Variants in TRPC4 observed in about 807,000 individuals in gnomAD.
The protein encoded by TRPC4 is short transient receptor potential channel 4.
TRPC4 carries 49 observed loss-of-function variants against 99.4 expected under a neutral mutation model. The observed-to-expected ratio is 0.49, with a 90% CI of 0.39 to 0.63. The LOEUF (loss-of-function observed/expected upper bound fraction) is 0.63. TRPC4 is among the 20% of genes least tolerant of loss of function. TRPC4 has a pLI of 0.00. For synonymous variants in TRPC4, 454 were observed against 425.9 expected (o/e 1.07, Z -0.81); for missense variants, 898 against 1,152.9 (o/e 0.78, Z 3.20).
At chr13:37,691,955 GCAGTAA>G in intron 4 of TRPC4, 38 bp downstream of exon 4, 1 of 1,533,748 alleles carries the variant, frequency 6.5e-7, no homozygotes, top group Non-Finnish European at 8.9e-7. Flanking sequence ...AAATTCCGTG[GCAGTAA>G]CATGTTTTTA....
At chr13:37,726,522 A>T in intron 3 of TRPC4, among the ~76,000 whole-genome samples, 1 of 152,190 alleles carries the variant, frequency 6.6e-6, no homozygotes, top group Non-Finnish European at 1.5e-5. Context: ...AGGTAATTAC[A>T]AAAAACAGCT....
intron 4 of TRPC4, among the ~76,000 whole-genome samples, chr13:37,676,088 G>A (rs966053713): frequency 6.6e-6 from 1 of 152,106 alleles, no homozygotes; most frequent in African/African-American, 2.4e-5. Context: ...GAAGAGAAGA[G>A]GCATGTACAC....
intron 1 of TRPC4, among the ~76,000 whole-genome samples, chr13:37,828,349 G>T (rs947217088): frequency 2.0e-5 from 3 of 152,190 alleles, no homozygotes; most frequent in African/African-American, 7.2e-5. Flanking sequence ...TGCTGGCGAG[G>T]TTGTGGAGAA....
At chr13:37,794,061 A>G (rs753381992) in intron 1 of TRPC4, among the ~76,000 whole-genome samples, 19 of 152,160 alleles carry the variant, frequency 1.2e-4, no homozygotes, top group Non-Finnish European at 8.8e-5. Flanking sequence ...TTTTACTGTC[A>G]CAGGAAAATA....
chr13:37,655,495 T>C lies in TRPC4; in HGVS notation c.1689-212A>G, dbSNP rs1409508562. On this transcript the variant is annotated intron_variant, in intron 6 of 10. Transcript: ENST00000379705. ...GTTTTCCTCAAACTAGTAGAAATGGTGTACTTAAATTTCCCAAGAGCTTTG... is the reference window on the plus strand; with the variant it reads ...GTTTTCCTCAAACTAGTAGAAATGGCGTACTTAAATTTCCCAAGAGCTTTG... Among the ~76,000 whole-genome samples, 3 of 152,032 alleles carry C rather than the reference T, an allele frequency of 2.0e-5. No individual in the cohort carries two copies. The East Asian group carries it at 5.8e-4, about 29-fold the overall frequency.
At chr13:37,832,693 A>G (rs957069134) in intron 1 of TRPC4, among the ~76,000 whole-genome samples, 2 of 152,238 alleles carry the variant, frequency 1.3e-5, no homozygotes, top group African/African-American at 4.8e-5. Context: ...ACAAAAATTT[A>G]AAATTATAAA....
chr13:37,721,980 A>C (rs1184882165), intron 3 of TRPC4, among the ~76,000 whole-genome samples: 1 of 152,156 alleles, frequency 6.6e-6, no homozygotes, highest in Non-Finnish European at 1.5e-5. Context: ...AATCTTATTC[A>C]AGAATTACCA....
chr13:37,809,807 G>A (rs911542255), intron 1 of TRPC4, among the ~76,000 whole-genome samples: 4 of 152,062 alleles, frequency 2.6e-5, no homozygotes, highest in African/African-American at 9.7e-5. Flanking sequence ...CTAGAGCACT[G>A]ATGTTATTAT....
intron 1 of TRPC4, among the ~76,000 whole-genome samples, chr13:37,833,409 C>T (rs1958475570): frequency 6.6e-6 from 1 of 152,184 alleles, no homozygotes; most frequent in Admixed American, 6.5e-5. Flanking sequence ...ACTTTCACAA[C>T]CATCTGGGCA....
chr13:37,850,125 T>G (rs563074692), intron 1 of TRPC4, among the ~76,000 whole-genome samples: 1 of 152,312 alleles, frequency 6.6e-6, no homozygotes, highest in Admixed American at 6.5e-5. Flanking sequence ...ATAGGCAATT[T>G]TAGTGAAAAC....
At chr13:37,806,175 G>A (rs961493525) in intron 1 of TRPC4, among the ~76,000 whole-genome samples, 13 of 151,868 alleles carry the variant, frequency 8.6e-5, no homozygotes, top group African/African-American at 1.9e-4. Context: ...AGGAATATTC[G>A]GGAGAAAGTA....
chr13:37,692,028 A>G lies in TRPC4; in HGVS notation c.1205T>C (p.Val402Ala). ...LNRQGPPPTI[V>A]EWMILPWVLG... ...GACCCACGGTAATATCATCCACTCGACGATGGTTGGTGGTGGACCTTGCCT... is the reference window on the plus strand; with the variant it reads ...GACCCACGGTAATATCATCCACTCGGCGATGGTTGGTGGTGGACCTTGCCT... Residue 402 changes from valine to alanine, a missense_variant, in exon 4 of 11, where the codon GTC becomes GCC. This residue lies in a region of TRPC4 where 274 missense variants were observed against 454.9 expected (regional missense o/e 0.60). Transcript: ENST00000379705. 1 of 1,613,974 alleles carries G rather than the reference A, an allele frequency of 6.2e-7. No homozygotes were observed. The highest frequency in any genetic ancestry group is 8.5e-7 in the Non-Finnish European group (1 of 1,179,876).
intron 8 of TRPC4, 134 bp downstream of exon 8, chr13:37,651,131 G>T: frequency 2.1e-6 from 2 of 945,006 alleles, no homozygotes; most frequent in Non-Finnish European, 3.2e-6. Flanking sequence ...CATGGGAGAT[G>T]TGTTATAAAT....
chr13:37,719,761 T>C (rs905713210), intron 3 of TRPC4, among the ~76,000 whole-genome samples: 138 of 152,124 alleles, frequency 9.1e-4, no homozygotes, highest in Middle Eastern at 3.4e-3. Context: ...TTGAGGGTAT[T>C]GTGGCAGACA....
intron 1 of TRPC4, among the ~76,000 whole-genome samples, chr13:37,847,575 A>G (rs192359308): frequency 1.6e-3 from 242 of 152,266 alleles, no homozygotes; most frequent in Non-Finnish European, 2.5e-3. Flanking sequence ...AATTTCCCTA[A>G]TTTGATCATT....
At chr13:37,742,258 T>C (rs1024334363) in intron 3 of TRPC4, among the ~76,000 whole-genome samples, 1 of 152,124 alleles carries the variant, frequency 6.6e-6, no homozygotes, top group African/African-American at 2.4e-5. Context: ...AAGTCTGCAA[T>C]CAAATCCTGC....
At chr13:37,767,231 T>C (rs1167738791) in intron 2 of TRPC4, among the ~76,000 whole-genome samples, 1 of 151,188 alleles carries the variant, frequency 6.6e-6, no homozygotes, top group Non-Finnish European at 1.5e-5. Context: ...TTTATCCTGC[T>C]AAAAAAGCTG....
At chr13:37,740,402 AT>A (rs1417436721) in intron 3 of TRPC4, among the ~76,000 whole-genome samples, 1 of 152,188 alleles carries the variant, frequency 6.6e-6, no homozygotes, top group Non-Finnish European at 1.5e-5. Flanking sequence ...ATGATTATTT[AT>A]TGCCTTTTTC....
intron 3 of TRPC4, among the ~76,000 whole-genome samples, chr13:37,745,528 G>GA: frequency 1.4e-5 from 1 of 72,884 alleles, no homozygotes. Context: ...ACGTATATAT[G>GA]TATATATACG....
Sources: gnomAD v4.1 joint callset for allele counts (sites outside exome capture counted in the v4.1 genomes callset) on GRCh38, gnomAD v4.1.1 for gene constraint, gnomAD v4.1.1 regional missense constraint, MANE v1.5 for transcripts, NCBI Gene and HGNC (gene_info 2026-07-23, HGNC 2026-07-21) for gene names.